The following TMEM131L variants were observed in gnomAD, a reference collection of about 807,000 sequenced individuals.
The protein encoded by TMEM131L is transmembrane 131 like.
Under a neutral mutation model 192.2 loss-of-function variants are expected in TMEM131L, and 54 were observed. The observed-to-expected ratio is 0.28, with a 90% CI of 0.23 to 0.35. The LOEUF is 0.35. Ranked by LOEUF, TMEM131L falls within the 10% of genes least tolerant of loss-of-function variation. The pLI, the probability that TMEM131L is intolerant of heterozygous loss-of-function variation, is 1.00. For missense variants in TMEM131L, 1,888 were observed against 1,972.9 expected, an observed-to-expected ratio of 0.96 and a Z score of 0.82; for synonymous variants, 701 against 704.9, an observed-to-expected ratio of 0.99 and a Z score of 0.09.
chr4:153,633,150 G>C (rs573666943), intron 32 of TMEM131L: 2 of 232,992 alleles, frequency 8.6e-6, no homozygotes, highest in Non-Finnish European at 1.7e-5. Context: ...CTAACTGCTA[G>C]CAGAGCAAAG....
intron 7 of TMEM131L, among the ~76,000 whole-genome samples, chr4:153,571,607 C>G (rs1285512041): frequency 6.6e-6 from 1 of 152,224 alleles, no homozygotes; most frequent in Non-Finnish European, 1.5e-5. Flanking sequence ...GTTGCCCAAG[C>G]TAGAATGCAG....
chr4:153,471,041 G>A (rs981334050), intron 2 of TMEM131L, among the ~76,000 whole-genome samples: 1 of 151,282 alleles, frequency 6.6e-6, no homozygotes, highest in Non-Finnish European at 1.5e-5. Context: ...AGGCTGGAGT[G>A]CAATGATGTA....
At chr4:153,466,584 G>T (rs1730762096) in intron 1 of TMEM131L, 63 bp downstream of exon 1, 2 of 1,253,366 alleles carry the variant, frequency 1.6e-6, no homozygotes, top group South Asian at 2.7e-5. Flanking sequence ...TTCTTTTAGG[G>T]AACTGCTGAA....
intron 26 of TMEM131L, among the ~76,000 whole-genome samples, chr4:153,614,712 T>C (rs1578869851): frequency 1.9e-5 from 2 of 103,708 alleles, no homozygotes; most frequent in South Asian, 5.7e-4. Context: ...TGGAAGATCA[T>C]TCTCAATGTT....
At chr4:153,554,741 T>G (rs1458908466) in intron 4 of TMEM131L, among the ~76,000 whole-genome samples, 1 of 152,208 alleles carries the variant, frequency 6.6e-6, no homozygotes, top group Non-Finnish European at 1.5e-5. Flanking sequence ...ACTGAAGAAA[T>G]GACTTTAGTG....
intron 3 of TMEM131L, among the ~76,000 whole-genome samples, chr4:153,499,589 G>A (rs1733443696): frequency 6.6e-6 from 1 of 152,054 alleles, no homozygotes; most frequent in Non-Finnish European, 1.5e-5. Flanking sequence ...ACCATGCCCG[G>A]CTAATTTTTG....
intron 7 of TMEM131L, among the ~76,000 whole-genome samples, chr4:153,567,446 G>T (rs539876940): frequency 6.6e-6 from 1 of 151,996 alleles, no homozygotes. Flanking sequence ...GGAGTTTTTT[G>T]TCCTACCTCC....
chr4:153,477,155 G>A (rs560628948), intron 3 of TMEM131L, among the ~76,000 whole-genome samples: 1 of 152,224 alleles, frequency 6.6e-6, no homozygotes, highest in South Asian at 2.1e-4. Context: ...AAATCATGGA[G>A]AGAGAGCATC....
At chr4:153,593,061 C>T (rs1282732114) in intron 18 of TMEM131L, among the ~76,000 whole-genome samples, 1 of 152,154 alleles carries the variant, frequency 6.6e-6, no homozygotes, top group Non-Finnish European at 1.5e-5. Context: ...TTTGAGGGTT[C>T]TCCACCTGCG....
chr4:153,478,890 CTTAAAG>C (rs58569471), intron 3 of TMEM131L, among the ~76,000 whole-genome samples: 15,068 of 152,104 alleles, frequency 0.099, 1,443 homozygotes, highest in African/African-American at 0.25. Flanking sequence ...GTCAGGTGGA[CTTAAAG>C]TTAATAGAAG....
intron 3 of TMEM131L, among the ~76,000 whole-genome samples, chr4:153,475,621 G>A (rs1476273371): frequency 2.0e-5 from 3 of 151,910 alleles, no homozygotes; most frequent in Non-Finnish European, 2.9e-5. Flanking sequence ...GTATGCAGTC[G>A]GCCCTCTGTA....
chr4:153,580,358 G>A (rs9996827), intron 7 of TMEM131L, among the ~76,000 whole-genome samples: 16,622 of 150,800 alleles, frequency 0.11, 2,744 homozygotes, highest in African/African-American at 0.36. Context: ...TTTATTTTTT[G>A]TTTTTTTGGT....
At chr4:153,547,035 A>G (rs1737233460) in intron 3 of TMEM131L, among the ~76,000 whole-genome samples, 1 of 152,246 alleles carries the variant, frequency 6.6e-6, no homozygotes, top group Admixed American at 6.5e-5. Context: ...AAATTTATAT[A>G]CTGACGTTAA....
chr4:153,612,870 A>G (rs1455781769), intron 26 of TMEM131L, among the ~76,000 whole-genome samples: 1 of 152,198 alleles, frequency 6.6e-6, no homozygotes, highest in Non-Finnish European at 1.5e-5. Context: ...TTGCAGATCA[A>G]AAGGGGACAA....
intron 3 of TMEM131L, among the ~76,000 whole-genome samples, chr4:153,539,590 G>A (rs1303352421): frequency 6.7e-6 from 1 of 148,848 alleles, no homozygotes; most frequent in African/African-American, 2.5e-5. Flanking sequence ...ACTGGGCCCT[G>A]GTGGAGTGAA....
In TMEM131L at chr4:153,585,444, T is replaced by C; in HGVS notation, c.1158-14T>C. On this transcript the variant is annotated splice_polypyrimidine_tract_variant and intron_variant, in intron 12 of 34. Coordinates refer to ENST00000409959, the MANE Select transcript of TMEM131L (RefSeq NM_001131007.2). ...ACACTCAGGCCTGATAGCATGCATG[T>C]CGTCTGTTCACAGGTATTTTAGAAT... 3 of 1,613,158 alleles carry C rather than the reference T, an allele frequency of 1.9e-6. No homozygotes were observed. The highest frequency in any genetic ancestry group is 2.5e-6 in the Non-Finnish European group (3 of 1,179,582).
intron 2 of TMEM131L, among the ~76,000 whole-genome samples, chr4:153,471,648 C>G (rs570297157): frequency 3.3e-5 from 5 of 152,350 alleles, no homozygotes; most frequent in African/African-American, 9.6e-5. Context: ...AGAAGGCTCA[C>G]TCCTGATGCC....
At chr4:153,593,409 A>T (rs923308738) in intron 18 of TMEM131L, among the ~76,000 whole-genome samples, 1 of 152,164 alleles carries the variant, frequency 6.6e-6, no homozygotes, top group Non-Finnish European at 1.5e-5. Context: ...CAGCTGTGAC[A>T]ACCAAAAATG....
chr4:153,543,310 T>C (rs1736933170), intron 3 of TMEM131L, among the ~76,000 whole-genome samples: 1 of 152,268 alleles, frequency 6.6e-6, no homozygotes, highest in Admixed American at 6.5e-5. Flanking sequence ...GTGTCTTTTA[T>C]GTTTTTTCCT....
Sources: gnomAD v4.1 joint callset for allele counts (sites outside exome capture counted in the v4.1 genomes callset) on GRCh38, gnomAD v4.1.1 for gene constraint, MANE v1.5 for transcripts, NCBI Gene and HGNC (gene_info 2026-07-23, HGNC 2026-07-21) for gene names.